The following PCDHGB5 variants were observed in gnomAD, a reference collection of about 807,000 sequenced individuals.
The protein encoded by PCDHGB5 is protocadherin gamma-B5.
In PCDHGB5, 48 loss-of-function variants were observed where a neutral mutation model predicts 62.9. That is an observed-to-expected ratio of 0.76 (90% CI 0.61 to 0.97). The LOEUF (loss-of-function observed/expected upper bound fraction) is 0.97, where lower values mean the gene tolerates loss of function less well. Ranked by LOEUF, PCDHGB5 falls within the 50% of genes least tolerant of loss-of-function variation. PCDHGB5 has a pLI of 0.00. For synonymous variants in PCDHGB5, 474 were observed against 511.2 expected (o/e 0.93, Z 0.98); for missense variants, 1,118 against 1,198.6 (o/e 0.93, Z 0.99).
Position 141,476,708 on chromosome 5 carries a change from T to C in PCDHGB5, c.2398-18099T>C, listed in dbSNP as rs1205987380. The C allele has an allele frequency of 1.2e-6, 2 of 1,614,150 alleles. No homozygotes were observed. The highest frequency in any genetic ancestry group is 8.5e-7 in the Non-Finnish European group (1 of 1,180,024). ...CAGCACCAAGTACGCGGAGCTGGTG[T>C]TGGAGCGCGCCCTGGACCGAGAACG... On this transcript the variant is annotated intron_variant, in intron 1 of 3. Coordinates refer to ENST00000617380, the MANE Select transcript of PCDHGB5 (RefSeq NM_018925.3). The surrounding 1 kb of genome is among the most constrained non-coding windows in gnomAD (Gnocchi z 7.6).
At chr5:141,507,807 A>AACGG (rs1465406594) in intron 3 of PCDHGB5, among the ~76,000 whole-genome samples, 2 of 152,152 alleles carry the variant, frequency 1.3e-5, no homozygotes, top group East Asian at 3.9e-4. Flanking sequence ...CGCCCTGGGG[A>AACGG]ACGGACCCTG....
At chr5:141,449,025 C>G (rs2154562458) in intron 1 of PCDHGB5, among the ~76,000 whole-genome samples, 1 of 152,216 alleles carries the variant, frequency 6.6e-6, no homozygotes, top group East Asian at 1.9e-4. Flanking sequence ...GCTTAGCATT[C>G]CTTTGGATTA....
In PCDHGB5 at chr5:141,485,233, C is replaced by T; in HGVS notation, c.2398-9574C>T. 1.2e-6 allele frequency: 2 copies of T among 1,614,182 alleles called. No individual in the cohort carries two copies. The highest frequency in any genetic ancestry group is 1.7e-6 in the Non-Finnish European group (2 of 1,180,030). ...GGCGGTGGGCTACCCTTTTGTTCCTCTTTTACCACCTGGGTTACGTTTGTG... is the reference window on the plus strand; with the variant it reads ...GGCGGTGGGCTACCCTTTTGTTCCTTTTTTACCACCTGGGTTACGTTTGTG... On this transcript the variant is annotated intron_variant, in intron 1 of 3. Transcript: ENST00000617380. This position sits in a 1 kb window ranked among gnomAD's most constrained non-coding sequence, Gnocchi z 5.7.
chr5:141,430,913 C>A (rs1485488693), intron 1 of PCDHGB5: 1 of 1,607,720 alleles, frequency 6.2e-7, no homozygotes, highest in East Asian at 2.2e-5. Context: ...CTCCAGGGAC[C>A]TGGGGCTGGA....
intron 1 of PCDHGB5, chr5:141,418,251 C>G: frequency 6.2e-7 from 1 of 1,614,058 alleles, no homozygotes; most frequent in Non-Finnish European, 8.5e-7. Context: ...GACCACGCCC[C>G]TCAATTCCGG....
intron 1 of PCDHGB5, chr5:141,411,226 C>G (rs781690096): frequency 6.6e-6 from 1 of 151,996 alleles, no homozygotes; most frequent in South Asian, 2.1e-4. Flanking sequence ...TTCAAATTTG[C>G]GAAGACTTAG....
intron 1 of PCDHGB5, among the ~76,000 whole-genome samples, chr5:141,438,296 A>G (rs902991313): frequency 6.6e-6 from 1 of 152,034 alleles, no homozygotes; most frequent in Non-Finnish European, 1.5e-5. Context: ...CTGTATGTAA[A>G]AGAAGTTGGT....
chr5:141,451,007 T>A (rs2098704118), intron 1 of PCDHGB5, among the ~76,000 whole-genome samples: 1 of 151,594 alleles, frequency 6.6e-6, no homozygotes, highest in Non-Finnish European at 1.5e-5. Flanking sequence ...TTGTATTTTT[T>A]TTAGTAGAGA....
At chr5:141,421,435 A>G (rs775839500) in intron 1 of PCDHGB5, 3 of 1,614,108 alleles carry the variant, frequency 1.9e-6, no homozygotes, top group East Asian at 4.5e-5. Context: ...CATCGTCTCC[A>G]GAGGGAAGAC....
At chr5:141,417,743 A>T in intron 1 of PCDHGB5, 2 of 1,419,054 alleles carry the variant, frequency 1.4e-6, no homozygotes, top group Non-Finnish European at 1.9e-6. Flanking sequence ...AGCACACCAG[A>T]TTGCCAGCTC....
intron 1 of PCDHGB5, among the ~76,000 whole-genome samples, chr5:141,488,115 G>A (rs936010936): frequency 1.4e-4 from 21 of 152,298 alleles, no homozygotes; most frequent in Middle Eastern, 3.4e-3. Flanking sequence ...TTGAAACATA[G>A]AGACAGCAGA....
At chr5:141,419,722 G>A (rs1194093167) in intron 1 of PCDHGB5, 2 of 1,613,306 alleles carry the variant, frequency 1.2e-6, no homozygotes, top group Admixed American at 1.7e-5. Context: ...GCCTGGGGCT[G>A]CGAACAGGCG....
rs775380177 is a variant in PCDHGB5, at chr5:141,422,666, C to T, written c.2397+22142C>T. The T allele has an allele frequency of 3.1e-6, 5 of 1,608,026 alleles. No individual in the cohort carries two copies. In the South Asian group the frequency reaches 3.3e-5, roughly 11 times the overall value. ...ATCTTCTCAGTGACCGCCCTCGACC[C>T]GGACAGCAAACAGAATGCCCTGGTC... On this transcript the variant is annotated intron_variant, in intron 1 of 3. Transcript: ENST00000617380.
intron 1 of PCDHGB5, among the ~76,000 whole-genome samples, chr5:141,406,035 T>C (rs989362338): frequency 4.6e-5 from 7 of 151,898 alleles, no homozygotes; most frequent in Non-Finnish European, 1.0e-4. Flanking sequence ...GGTTGCTTCA[T>C]TGGTTGCAGT....
intron 1 of PCDHGB5, chr5:141,422,970 C>T (rs1348343583): frequency 1.2e-6 from 2 of 1,614,246 alleles, no homozygotes; most frequent in East Asian, 2.2e-5. Flanking sequence ...TGGCGCCCCG[C>T]TCTGCGGAAC....
At position 141,487,329 on chromosome 5, in the gene PCDHGB5, C is replaced by T; in HGVS notation, c.2398-7478C>T. On this transcript the variant is annotated intron_variant, in intron 1 of 3. Coordinates refer to ENST00000617380, the MANE Select transcript of PCDHGB5 (RefSeq NM_018925.3). This position sits in a 1 kb window ranked among gnomAD's most constrained non-coding sequence, Gnocchi z 5.0. Reference sequence around the variant, plus strand: ...CTACTCTCTAAGTGTCTTCGTGGGGCAGCCTGTGGAGTCACATGCTTTCCT... The same window carrying T: ...CTACTCTCTAAGTGTCTTCGTGGGGTAGCCTGTGGAGTCACATGCTTTCCT... 1 of 1,614,170 alleles carries T rather than the reference C, an allele frequency of 6.2e-7. No homozygotes were observed. The highest frequency in any genetic ancestry group is 1.1e-5 in the South Asian group (1 of 91,070).
intron 1 of PCDHGB5, chr5:141,427,240 C>G (rs1447231420): frequency 1.3e-5 from 6 of 456,536 alleles, no homozygotes; most frequent in Non-Finnish European, 2.6e-5. Context: ...AGAGTAGAAG[C>G]TAAGGATGGT....
chr5:141,487,356 C>T lies in PCDHGB5; in HGVS notation c.2398-7451C>T. 6.2e-7 allele frequency: 1 copy of T among 1,614,220 alleles called. No individual in the cohort carries two copies. The highest frequency in any genetic ancestry group is 8.5e-7 in the Non-Finnish European group (1 of 1,180,042). ...GCCTGTGGAGTCACATGCTTTCCTG[C>T]TGGCACCTGTGCCTGTCTCACCAGA... On this transcript the variant is annotated intron_variant, in intron 1 of 3. Transcript: ENST00000617380. This position sits in a 1 kb window ranked among gnomAD's most constrained non-coding sequence, Gnocchi z 5.0.
intron 1 of PCDHGB5, among the ~76,000 whole-genome samples, chr5:141,430,066 G>C (rs550834063): frequency 6.6e-6 from 1 of 151,984 alleles, no homozygotes; most frequent in Non-Finnish European, 1.5e-5. Flanking sequence ...TCATTTTTAG[G>C]TTTCCATAAT....
Sources: gnomAD v4.1 joint callset for allele counts (sites outside exome capture counted in the v4.1 genomes callset) on GRCh38, gnomAD v4.1.1 for gene constraint, Gnocchi (gnomAD v3.1) non-coding constraint, MANE v1.5 for transcripts, NCBI Gene and HGNC (gene_info 2026-07-23, HGNC 2026-07-21) for gene names.